GALNTL6: variants seen among roughly 807,000 people sequenced by gnomAD.
GALNTL6 encodes the protein polypeptide N-acetylgalactosaminyltransferase-like 6.
GALNTL6 carries 46 observed loss-of-function variants against 73.7 expected under a neutral mutation model. The ratio of observed to expected loss-of-function variants is 0.62; its 90% CI spans 0.49 to 0.80. The LOEUF (loss-of-function observed/expected upper bound fraction) is 0.80. GALNTL6 is among the 30% of genes least tolerant of loss of function. GALNTL6 has a pLI of 0.00. For synonymous variants in GALNTL6, 259 were observed against 263.7 expected, an observed-to-expected ratio of 0.98 and a Z score of 0.17; for missense variants, 604 against 755.0, an observed-to-expected ratio of 0.80 and a Z score of 2.34.
At chr4:171,990,806 C>A (rs1197629198) in intron 2 of GALNTL6, among the ~76,000 whole-genome samples, 2 of 152,130 alleles carry the variant, frequency 1.3e-5, no homozygotes, top group Non-Finnish European at 2.9e-5. Flanking sequence ...TTTGATAAAG[C>A]TGACATATGA....
At chr4:172,716,459 A>G (rs1735099695) in intron 5 of GALNTL6, among the ~76,000 whole-genome samples, 1 of 151,450 alleles carries the variant, frequency 6.6e-6, no homozygotes, top group African/African-American at 2.4e-5. Flanking sequence ...TCTTGATGAA[A>G]GCTCATTATC....
chr4:172,840,087 G>A (rs1743128140), intron 7 of GALNTL6, among the ~76,000 whole-genome samples: 1 of 152,062 alleles, frequency 6.6e-6, no homozygotes, highest in Admixed American at 6.6e-5. Flanking sequence ...TAAGTCAGCT[G>A]CACAAAAAAA....
intron 2 of GALNTL6, among the ~76,000 whole-genome samples, chr4:172,111,833 C>T (rs1732859586): frequency 6.6e-6 from 1 of 151,916 alleles, no homozygotes; most frequent in South Asian, 2.1e-4. Flanking sequence ...ACCTGCTGCC[C>T]CTACAGCTGC....
chr4:171,987,981 C>G (rs1681899159), intron 2 of GALNTL6, among the ~76,000 whole-genome samples: 1 of 151,946 alleles, frequency 6.6e-6, no homozygotes, highest in African/African-American at 2.4e-5. Context: ...GCTGAAGGAG[C>G]CGGGGAGCAG....
chr4:172,913,218 C>T (rs1049588721), intron 8 of GALNTL6, among the ~76,000 whole-genome samples: 10 of 152,102 alleles, frequency 6.6e-5, no homozygotes, highest in African/African-American at 2.4e-4. Context: ...ACATCCACAC[C>T]AAAATCCCAT....
chr4:172,251,263 G>T (rs959264476), intron 3 of GALNTL6, among the ~76,000 whole-genome samples: 1 of 152,010 alleles, frequency 6.6e-6, no homozygotes, highest in Non-Finnish European at 1.5e-5. Context: ...TAAAGCCTTC[G>T]ACTGCTTAAA....
At chr4:171,993,845 CAT>C (rs1025602163) in intron 2 of GALNTL6, among the ~76,000 whole-genome samples, 3 of 151,594 alleles carry the variant, frequency 2.0e-5, no homozygotes, top group East Asian at 1.9e-4. Flanking sequence ...ATTACACACA[CAT>C]GTGGAGTAAA....
chr4:172,160,574 A>G (rs76167932), intron 2 of GALNTL6, among the ~76,000 whole-genome samples: 5,953 of 152,164 alleles, frequency 0.039, 382 homozygotes, highest in African/African-American at 0.13. Context: ...TTGACAGCCC[A>G]TGTAGCAAGA....
At chr4:172,835,666 G>A (rs1157324118) in intron 7 of GALNTL6, among the ~76,000 whole-genome samples, 1 of 152,214 alleles carries the variant, frequency 6.6e-6, no homozygotes, top group Non-Finnish European at 1.5e-5. Flanking sequence ...GGAATAGTGA[G>A]AGTAGCAAGA....
intron 2 of GALNTL6, among the ~76,000 whole-genome samples, chr4:171,918,932 A>C (rs1391738720): frequency 6.6e-6 from 1 of 152,076 alleles, no homozygotes; most frequent in Non-Finnish European, 1.5e-5. Flanking sequence ...GTGTATCTGA[A>C]ATAGTCAAAT....
chr4:172,180,186 C>T (rs1047555008), intron 2 of GALNTL6, among the ~76,000 whole-genome samples: 2 of 152,172 alleles, frequency 1.3e-5, no homozygotes, highest in Non-Finnish European at 2.9e-5. Context: ...TTGCATTTCT[C>T]TAATGACCAA....
chr4:172,325,544 A>C (rs1740913295), intron 4 of GALNTL6, among the ~76,000 whole-genome samples: 1 of 152,094 alleles, frequency 6.6e-6, no homozygotes, highest in East Asian at 1.9e-4. Context: ...TGAGTTCCTT[A>C]AAATAATGTT....
chr4:172,428,855 A>G (rs1731324602), intron 5 of GALNTL6, among the ~76,000 whole-genome samples: 1 of 152,318 alleles, frequency 6.6e-6, no homozygotes. Context: ...TGTCAGATTC[A>G]GGGGTCTGAC....
At chr4:173,009,998 C>T (rs1752474780) in intron 11 of GALNTL6, among the ~76,000 whole-genome samples, 1 of 152,184 alleles carries the variant, frequency 6.6e-6, no homozygotes, top group African/African-American at 2.4e-5. Context: ...CTTTGTGTTA[C>T]AAACAATCCA....
chr4:172,594,267 C>T (rs1450152682), intron 5 of GALNTL6, among the ~76,000 whole-genome samples: 5 of 152,108 alleles, frequency 3.3e-5, no homozygotes, highest in African/African-American at 4.8e-5. Context: ...ACTGCTTGAA[C>T]CCAGGAGGTG....
intron 5 of GALNTL6, among the ~76,000 whole-genome samples, chr4:172,356,348 A>G (rs141781478): frequency 2.0e-5 from 3 of 152,108 alleles, no homozygotes; most frequent in Admixed American, 6.6e-5. Context: ...TTGTCAGCAA[A>G]CCTCAGCATG....
rs547508612 is a variant in GALNTL6, at chr4:171,909,346, G to T, written c.138+94628G>T. On this transcript the variant is annotated intron_variant, in intron 2 of 12. Coordinates refer to ENST00000506823, the MANE Select transcript of GALNTL6 (RefSeq NM_001034845.3). Reference sequence around the variant, plus strand: ...TTATTTAAGCCATAGATGATCCAGGGTTATAAAAGAGAGAAACTCAGCAGT... The same window carrying T: ...TTATTTAAGCCATAGATGATCCAGGTTTATAAAAGAGAGAAACTCAGCAGT... Among the ~76,000 whole-genome samples, 804 of 152,104 alleles carry T rather than the reference G, an allele frequency of 5.3e-3. 2 individuals carry two copies. Among genetic ancestry groups the T allele is most frequent in the Non-Finnish European group, 7.3e-3 (496 of 67,972 alleles).
intron 5 of GALNTL6, among the ~76,000 whole-genome samples, chr4:172,368,445 C>T (rs1561048999): frequency 6.6e-6 from 1 of 152,138 alleles, no homozygotes; most frequent in Non-Finnish European, 1.5e-5. Flanking sequence ...ACCTTGCAAC[C>T]TTGCAGTGGT....
intron 2 of GALNTL6, among the ~76,000 whole-genome samples, chr4:171,958,113 A>G (rs1170699139): frequency 1.3e-5 from 2 of 151,866 alleles, no homozygotes; most frequent in Admixed American, 6.6e-5. Context: ...ACAGTTTGAA[A>G]CCTCTCACTG....
Sources: allele counts gnomAD v4.1 joint callset (sites outside exome capture counted in the v4.1 genomes callset), GRCh38; gene constraint gnomAD v4.1.1; transcripts MANE v1.5; gene names NCBI Gene and HGNC (gene_info 2026-07-23, HGNC 2026-07-21).